The following ZSWIM6 variants were observed in gnomAD, a reference collection of about 807,000 sequenced individuals.
ZSWIM6 encodes zinc finger SWIM domain-containing protein 6.
In ZSWIM6, 9 loss-of-function variants were observed where a neutral mutation model predicts 113.2. The ratio of observed to expected loss-of-function variants is 0.08; its 90% CI spans 0.05 to 0.14. ZSWIM6 has a LOEUF of 0.14. ZSWIM6 is among the 10% of genes least tolerant of loss of function. The pLI is 1.00. For synonymous variants in ZSWIM6, 611 were observed against 606.5 expected, an observed-to-expected ratio of 1.01 and a Z score of -0.11; for missense variants, 1,162 against 1,552.2, an observed-to-expected ratio of 0.75 and a Z score of 4.22.
chr5:61,342,493 T>C (rs1744570007), intron 1 of ZSWIM6, among the ~76,000 whole-genome samples: 1 of 152,192 alleles, frequency 6.6e-6, no homozygotes, highest in Admixed American at 6.5e-5. Context: ...TAGAAATAAC[T>C]TTTATTGCTG....
At chr5:61,428,209 TA>T (rs1454236134) in intron 1 of ZSWIM6, among the ~76,000 whole-genome samples, 1 of 152,156 alleles carries the variant, frequency 6.6e-6, no homozygotes, top group African/African-American at 2.4e-5. Context: ...TGTTTTGACT[TA>T]AAGTTAAGGA....
At chr5:61,410,307 T>G (rs903785427) in intron 1 of ZSWIM6, among the ~76,000 whole-genome samples, 1 of 150,482 alleles carries the variant, frequency 6.6e-6, no homozygotes, top group East Asian at 1.9e-4. Flanking sequence ...TGGATGTATT[T>G]CCTTTTTTTT....
intron 1 of ZSWIM6, among the ~76,000 whole-genome samples, chr5:61,389,013 G>A (rs116778493): frequency 0.011 from 1,737 of 152,106 alleles, 23 homozygotes; most frequent in African/African-American, 0.039. Context: ...TTGGTGTACC[G>A]GGACACATAC....
Position 61,525,955 on chromosome 5 carries a change from C to A in ZSWIM6, c.1669C>A (p.Arg557Ser). ...DDTENSLFDS[R>S]GWPLWHEHVP... ...CACTGAAAACTCCCTCTTCGACTCC[C>A]GCGGGTGGCCCCTCTGGCATGGTAA... The change falls in exon 6 of 14, where the codon CGC becomes AGC. Residue 557 changes from arginine to serine, a missense_variant. Around this residue, in one of 4 missense-constraint regions of ZSWIM6, gnomAD observed 620 missense variants for 804.6 expected, o/e 0.77. Transcript: ENST00000252744. The A allele has an allele frequency of 1.3e-6, 2 of 1,552,144 alleles. No individual in the cohort carries two copies. Among genetic ancestry groups the A allele is most frequent in the Non-Finnish European group, 8.7e-7 (1 of 1,147,054 alleles).
At chr5:61,344,281 G>T (rs558365926) in intron 1 of ZSWIM6, among the ~76,000 whole-genome samples, 2 of 151,980 alleles carry the variant, frequency 1.3e-5, no homozygotes, top group East Asian at 1.9e-4. Context: ...TCTGATATAC[G>T]TTCAGCCCAG....
chr5:61,437,738 A>G (rs983524787), intron 1 of ZSWIM6, among the ~76,000 whole-genome samples: 2 of 151,336 alleles, frequency 1.3e-5, no homozygotes, highest in East Asian at 1.9e-4. Flanking sequence ...AAAAAAAAAA[A>G]AGAAATCCAC....
At chr5:61,536,144 CG>C (rs1316043842) in intron 10 of ZSWIM6, among the ~76,000 whole-genome samples, 6 of 152,206 alleles carry the variant, frequency 3.9e-5, no homozygotes, top group Admixed American at 3.3e-4. Flanking sequence ...AGTCGCTATT[CG>C]GGGTCCTTCA....
chr5:61,531,287 G>A (rs1223843923), intron 8 of ZSWIM6, among the ~76,000 whole-genome samples, 178 bp from the exon 9 acceptor site: 2 of 152,098 alleles, frequency 1.3e-5, no homozygotes, highest in South Asian at 2.1e-4. Context: ...AATCATTCAT[G>A]GTCATTTTTA....
At chr5:61,467,576 A>G (rs1463671692) in intron 1 of ZSWIM6, among the ~76,000 whole-genome samples, 2 of 152,220 alleles carry the variant, frequency 1.3e-5, no homozygotes, top group African/African-American at 2.4e-5. Flanking sequence ...TCTCAAAGAG[A>G]CTTAGGGACC....
rs191339979 is a variant in ZSWIM6 at position 61,509,235 on chromosome 5, C to T, written c.1334-12028C>T. Among the ~76,000 whole-genome samples the T allele has an allele frequency of 9.9e-5, 15 of 152,236 alleles. No homozygotes were observed. The East Asian group carries it at 2.7e-3, about 27-fold the overall frequency. On this transcript the variant is annotated intron_variant, in intron 4 of 13. Transcript: ENST00000252744. ...TATTTCATTTGCAGTAATTCATCAT[C>T]ATCTTCAAACTCTTATGTAAGATTT...
At chr5:61,345,975 C>A (rs981451048) in intron 1 of ZSWIM6, among the ~76,000 whole-genome samples, 1 of 152,140 alleles carries the variant, frequency 6.6e-6, no homozygotes, top group Non-Finnish European at 1.5e-5. Flanking sequence ...AACAGAGTGT[C>A]GCTCTGTGGC....
chr5:61,413,524 T>C (rs1366297287), intron 1 of ZSWIM6, among the ~76,000 whole-genome samples: 2 of 152,186 alleles, frequency 1.3e-5, no homozygotes, highest in African/African-American at 4.8e-5. Flanking sequence ...TTATAGTCCT[T>C]TGGGTATATA....
chr5:61,423,336 AG>A (rs1746392838), intron 1 of ZSWIM6, among the ~76,000 whole-genome samples: 1 of 150,378 alleles, frequency 6.6e-6, no homozygotes, highest in Non-Finnish European at 1.5e-5. Context: ...TGAACCTGGG[AG>A]GTGGAGGTTG....
chr5:61,531,596 C>A lies in ZSWIM6; in HGVS notation c.2116C>A (p.Pro706Thr). Reference sequence around the variant, plus strand: ...AGGGCTAGGACAGCAGCGTATCATGCCTGATGGGCTGTACACACAAGAGAA... The same window carrying A: ...AGGGCTAGGACAGCAGCGTATCATGACTGATGGGCTGTACACACAAGAGAA... ...LIGLGQQRIM[P>T]DGLYTQEKVC... is the part of the protein sequence containing the mutation. Residue 706 changes from proline to threonine, a missense_variant, in exon 9 of 14, where the codon CCT (proline) becomes ACT (threonine). By Grantham distance (38) the Pro-to-Thr change is conservative (BLOSUM62 -1). This residue lies in a region of ZSWIM6 where 620 missense variants were observed against 804.6 expected (regional missense o/e 0.77). Coordinates refer to ENST00000252744, the MANE Select transcript of ZSWIM6 (RefSeq NM_020928.2). 3 of 1,551,648 alleles carry A rather than the reference C, an allele frequency of 1.9e-6. No homozygotes were observed. Among genetic ancestry groups the A allele is most frequent in the Non-Finnish European group, 2.6e-6 (3 of 1,146,980 alleles).
intron 2 of ZSWIM6, among the ~76,000 whole-genome samples, chr5:61,488,942 C>G (rs1748103059): frequency 6.6e-6 from 1 of 151,928 alleles, no homozygotes; most frequent in South Asian, 2.1e-4. Flanking sequence ...GTATTTCTTT[C>G]TTCCACTTTG....
intron 9 of ZSWIM6, among the ~76,000 whole-genome samples, chr5:61,535,022 A>T (rs1047025379): frequency 6.6e-6 from 1 of 152,148 alleles, no homozygotes; most frequent in Admixed American, 6.5e-5. Context: ...CCTGATACAG[A>T]GCACCATTTT....
intron 1 of ZSWIM6, among the ~76,000 whole-genome samples, chr5:61,464,670 C>G (rs994357681): frequency 6.6e-6 from 1 of 152,110 alleles, no homozygotes; most frequent in Non-Finnish European, 1.5e-5. Context: ...TACATTTCTC[C>G]CCTCCCAGGT....
At chr5:61,523,481 A>C (rs949235417) in intron 5 of ZSWIM6, among the ~76,000 whole-genome samples, 7 of 152,200 alleles carry the variant, frequency 4.6e-5, no homozygotes, top group Non-Finnish European at 1.0e-4. Context: ...GAAGAACAAA[A>C]ATATCTCCTT....
intron 1 of ZSWIM6, among the ~76,000 whole-genome samples, chr5:61,394,915 T>G (rs1745808506): frequency 6.6e-6 from 1 of 152,132 alleles, no homozygotes; most frequent in Non-Finnish European, 1.5e-5. Flanking sequence ...CAGACCATAG[T>G]GGACGTTGTG....
Sources: gnomAD v4.1 joint callset for allele counts (sites outside exome capture counted in the v4.1 genomes callset) on GRCh38, gnomAD v4.1.1 for gene constraint, gnomAD v4.1.1 regional missense constraint, MANE v1.5 for transcripts, NCBI Gene and HGNC (gene_info 2026-07-23, HGNC 2026-07-21) for gene names.